SMLR1: variants seen among roughly 807,000 people sequenced by gnomAD.
SMLR1 encodes the protein small leucine rich protein 1.
In SMLR1, 3 loss-of-function variants were observed where a neutral mutation model predicts 6.1. The observed-to-expected ratio is 0.49, with a 90% confidence interval of 0.22 to 1.28. The LOEUF (loss-of-function observed/expected upper bound fraction) is 1.28, where lower values mean the gene tolerates loss of function less well. Among genes scored for constraint, SMLR1 ranks in the 50% most tolerant of loss-of-function variants. The probability of loss-of-function intolerance (pLI) is 0.19; values close to 1 mark genes in which losing one functional copy is unlikely to be tolerated. For synonymous variants in SMLR1, 55 were observed against 53.6 expected (o/e 1.03, Z -0.11); for missense variants, 126 against 124.8 (o/e 1.01, Z -0.05).
At chr6:130,832,515 C>T (rs375281536) in intron 1 of SMLR1, among the ~76,000 whole-genome samples, 28 of 152,130 alleles carry the variant, frequency 1.8e-4, no homozygotes, top group African/African-American at 6.8e-4. Context: ...GCAGGACATA[C>T]TATAGGACGG....
At chr6:130,831,182 C>A (rs992436848) in intron 1 of SMLR1, among the ~76,000 whole-genome samples, 2 of 152,196 alleles carry the variant, frequency 1.3e-5, no homozygotes, top group South Asian at 4.2e-4. Context: ...CAAAGCAAAC[C>A]GGGTGAGAAA....
rs1774310768 is a variant in SMLR1 at position 130,827,494 on chromosome 6, C to T, written c.81C>T (p.Pro27=). 6.5e-7 allele frequency: 1 copy of T among 1,535,912 alleles called. No individual in the cohort carries two copies. The highest frequency in any genetic ancestry group is 1.4e-5 in the African/African-American group (1 of 73,020). ...RKAALVLSVT[P]MVPVGSVWLA... is the part of the protein sequence containing the mutation. ...CTGCCCTGGTCCTGAGTGTGACTCC[C>T]ATGGTCCCCGTGGGGTCTGTGTGGT... The change falls in exon 1 of 2, where the codon CCC becomes CCT. Residue 27 remains proline, a synonymous_variant. Coordinates refer to ENST00000541421, the MANE Select transcript of SMLR1 (RefSeq NM_001195597.2).
chr6:130,834,945 A>G lies in SMLR1; in HGVS notation c.314A>G (p.Lys105Arg), dbSNP rs1158027900. The change falls in exon 2 of 2, where the codon AAA becomes AGA. Residue 105 changes from lysine (K) to arginine (R), a missense_variant. Coordinates refer to ENST00000541421, the MANE Select transcript of SMLR1 (RefSeq NM_001195597.2). ...KDGSSLYQRM[K>R]WT ...GGCTCTTCCCTGTACCAGAGAATGA[A>G]ATGGACGTGAAGTTGGGGACTTTCC... 1 of 1,535,276 alleles carries G rather than the reference A, an allele frequency of 6.5e-7. No individual in the cohort carries two copies. Among genetic ancestry groups the G allele is most frequent in the Non-Finnish European group, 8.7e-7 (1 of 1,146,268 alleles).
intron 1 of SMLR1, among the ~76,000 whole-genome samples, chr6:130,829,273 T>C (rs1194948299): frequency 6.6e-6 from 1 of 152,204 alleles, no homozygotes; most frequent in Non-Finnish European, 1.5e-5. Flanking sequence ...CATCTGGTAT[T>C]TGGGATAGAC....
intron 1 of SMLR1, among the ~76,000 whole-genome samples, chr6:130,828,502 T>C (rs754383730): frequency 5.9e-5 from 9 of 152,346 alleles, no homozygotes; most frequent in Admixed American, 2.0e-4. Context: ...CATCTGTTTA[T>C]GTAATAACAT....
chr6:130,828,878 A>G (rs1774357751), intron 1 of SMLR1, among the ~76,000 whole-genome samples: 1 of 152,188 alleles, frequency 6.6e-6, no homozygotes, highest in African/African-American at 2.4e-5. Flanking sequence ...CTTGTCACCC[A>G]GCCATTCATT....
chr6:130,834,814 A>T, intron 1 of SMLR1, 56 bp from the exon 2 acceptor site: 1 of 1,452,068 alleles, frequency 6.9e-7, no homozygotes, highest in South Asian at 1.2e-5. Context: ...ATGAACTCTA[A>T]ATGACCAATG....
At chr6:130,833,963 T>C (rs557821421) in intron 1 of SMLR1, among the ~76,000 whole-genome samples, 1 of 152,302 alleles carries the variant, frequency 6.6e-6, no homozygotes, top group Non-Finnish European at 1.5e-5. Context: ...GGTTCAAGCC[T>C]ACAAACATGT....
rs1264968235 is a variant in SMLR1 at position 130,834,889 on chromosome 6, G to A, written c.258G>A (p.Gln86=). ...KLIEVNEELS[Q]NCDRQHNPKD... ...TTTCAGTTAATGAAGAACTGTCCCAGAACTGTGATCGCCAACATAATCCCA... is the reference window on the plus strand; with the variant it reads ...TTTCAGTTAATGAAGAACTGTCCCAAAACTGTGATCGCCAACATAATCCCA... Residue 86 remains glutamine (Q), a synonymous_variant, in exon 2 of 2, where the codon CAG becomes CAA. Coordinates refer to ENST00000541421, the MANE Select transcript of SMLR1 (RefSeq NM_001195597.2). The A allele has an allele frequency of 6.5e-7, 1 of 1,535,240 alleles. No individual in the cohort carries two copies. The highest frequency in any genetic ancestry group is 1.2e-5 in the South Asian group (1 of 84,032).
intron 1 of SMLR1, among the ~76,000 whole-genome samples, chr6:130,829,339 CT>C (rs796320112): frequency 6.6e-5 from 10 of 152,296 alleles, no homozygotes; most frequent in African/African-American, 2.4e-4. Flanking sequence ...GGAAAAACAT[CT>C]GTAATATGTA....
At chr6:130,831,367 T>C (rs1774442117) in intron 1 of SMLR1, among the ~76,000 whole-genome samples, 1 of 152,206 alleles carries the variant, frequency 6.6e-6, no homozygotes, top group Non-Finnish European at 1.5e-5. Context: ...AATTCTTGAT[T>C]ATATTTTCCA....
rs1774622459 is a variant in SMLR1, at chr6:130,835,391, A to G, written c.*436A>G. 1 of 155,950 alleles carries G rather than the reference A, an allele frequency of 6.4e-6. No individual in the cohort carries two copies. Among genetic ancestry groups the G allele is most frequent in the Non-Finnish European group, 1.4e-5 (1 of 70,230 alleles). 9.7% of individuals were successfully genotyped at this position (155,950 alleles called of 1,614,324 possible). A position where few individuals can be genotyped will look rare whatever the true frequency, so the allele number is the denominator to read the frequency against. ...ATGAATGCCTTGGAGAGAGCTCAGT[A>G]GATTCCATATGCAAGAATATTTCCA... On this transcript the variant is annotated 3_prime_UTR_variant, in exon 2 of 2. Coordinates refer to ENST00000541421, the MANE Select transcript of SMLR1 (RefSeq NM_001195597.2).
At chr6:130,832,646 T>C (rs1214850770) in intron 1 of SMLR1, among the ~76,000 whole-genome samples, 3 of 152,338 alleles carry the variant, frequency 2.0e-5, no homozygotes, top group East Asian at 1.9e-4. Context: ...TGTGTCATTA[T>C]AGCATTACAG....
intron 1 of SMLR1, among the ~76,000 whole-genome samples, chr6:130,833,749 G>C (rs1394196726): frequency 6.6e-6 from 1 of 152,174 alleles, no homozygotes; most frequent in East Asian, 1.9e-4. Flanking sequence ...CAGAGCAAGT[G>C]CAAGTATTGG....
intron 1 of SMLR1, among the ~76,000 whole-genome samples, chr6:130,829,096 C>T (rs980038785): frequency 2.0e-5 from 3 of 152,152 alleles, no homozygotes; most frequent in South Asian, 2.1e-4. Context: ...ATGTCATCAT[C>T]GGGGACTTGG....
At chr6:130,827,725 T>C (rs2128384030) in intron 1 of SMLR1, 74 bp downstream of exon 1, 1 of 1,071,052 alleles carries the variant, frequency 9.3e-7, no homozygotes, top group Non-Finnish European at 1.4e-6. Context: ...ACCGATGCAC[T>C]GTCAGTGTTT....
intron 1 of SMLR1, among the ~76,000 whole-genome samples, chr6:130,832,739 A>T (rs1213727290): frequency 6.6e-6 from 1 of 152,172 alleles, no homozygotes; most frequent in Non-Finnish European, 1.5e-5. Context: ...AGAGCATTCG[A>T]ACCCTGGCTG....
Position 130,834,869 on chromosome 6 carries a change from G to A in SMLR1, c.239-1G>A, listed in dbSNP as rs1291411237. ...TTATTAACTAATATTTTTCCTTTCA[G>A]TTAATGAAGAACTGTCCCAGAACTG... On this transcript the variant is annotated splice_acceptor_variant, in intron 1 of 1. Coordinates refer to ENST00000541421, the MANE Select transcript of SMLR1 (RefSeq NM_001195597.2). LOFTEE classifies it high-confidence loss of function. 1 of 1,534,828 alleles carries A rather than the reference G, an allele frequency of 6.5e-7. No individual in the cohort carries two copies.
intron 1 of SMLR1, 123 bp downstream of exon 1, chr6:130,827,774 T>C: frequency 1.4e-6 from 1 of 713,904 alleles, no homozygotes; most frequent in Non-Finnish European, 2.3e-6. Context: ...ATTTTGTAGG[T>C]ACTTCTCAAT....
Sources: gnomAD v4.1 joint callset for allele counts (sites outside exome capture counted in the v4.1 genomes callset) on GRCh38, gnomAD v4.1.1 for gene constraint, MANE v1.5 for transcripts, NCBI Gene and HGNC (gene_info 2026-07-23, HGNC 2026-07-21) for gene names.